PLK1: variants seen among roughly 807,000 people sequenced by gnomAD.
PLK1 encodes the protein polo like kinase 1.
A neutral mutation model predicts 56.7 loss-of-function variants in PLK1; 6 were observed. The observed-to-expected ratio is 0.11, with a 90% CI of 0.06 to 0.21. The LOEUF (loss-of-function observed/expected upper bound fraction) is 0.21. Ranked by LOEUF, PLK1 falls within the 10% of genes least tolerant of loss-of-function variation. The pLI is 1.00. For synonymous variants in PLK1, 298 were observed against 325.0 expected (o/e 0.92, Z 0.89); for missense variants, 546 against 814.4 (o/e 0.67, Z 4.01).
chr16:23,682,542 T>TTTA (rs1471524945), intron 4 of PLK1, among the ~76,000 whole-genome samples: 6 of 141,948 alleles, frequency 4.2e-5, no homozygotes, highest in African/African-American at 1.3e-4. Context: ...TTTTTTTTTT[T>TTTA]ATTTGAGGTG....
chr16:23,686,827 T>A (rs1030451973), intron 5 of PLK1, among the ~76,000 whole-genome samples: 1 of 152,224 alleles, frequency 6.6e-6, no homozygotes, highest in Non-Finnish European at 1.5e-5. Flanking sequence ...TAATATCTTA[T>A]TATTTCATAC....
intron 1 of PLK1, 179 bp from the exon 2 acceptor site, chr16:23,679,905 T>C: frequency 1.7e-6 from 1 of 576,328 alleles, no homozygotes; most frequent in Admixed American, 3.0e-5. Context: ...GATGCCGCTG[T>C]GCTGGAGAAG....
At position 23,683,934 on chromosome 16, in the gene PLK1, C is replaced by T. The variant is rs753048559; in HGVS notation, c.881C>T (p.Pro294Leu). 1.6e-5 allele frequency: 26 copies of T among 1,614,034 alleles called. No homozygotes were observed. The highest frequency in any genetic ancestry group is 2.2e-5 in the Non-Finnish European group (26 of 1,180,004). Residue 294 changes from proline to leucine, a missense_variant, in exon 5 of 10, where the codon CCA (proline) becomes CTA (leucine). This residue lies in a region of PLK1 where 157 missense variants were observed against 184.0 expected (regional missense o/e 0.85). Transcript: ENST00000300093. ...KMLQTDPTAR[P>L]TINELLNDEF... ...CTTCAGACAGATCCCACTGCCCGCC[C>T]AACCATTAACGAGCTGCTTAATGAC...
At chr16:23,684,243 C>T (rs1021595283) in intron 5 of PLK1, among the ~76,000 whole-genome samples, 154 bp downstream of exon 5, 2 of 152,330 alleles carry the variant, frequency 1.3e-5, no homozygotes, top group Admixed American at 6.5e-5. Flanking sequence ...ATCTGCTTCT[C>T]GGCCCTGCCA....
chr16:23,685,940 C>G (rs1022529301), intron 5 of PLK1, among the ~76,000 whole-genome samples: 1 of 152,118 alleles, frequency 6.6e-6, no homozygotes. Context: ...TGTTCCTTCT[C>G]TCCGATTGAT....
In PLK1 at chr16:23,689,111, T is replaced by C; in HGVS notation, c.1271-127T>C. On this transcript the variant is annotated intron_variant, in intron 7 of 9. Coordinates refer to ENST00000300093, the MANE Select transcript of PLK1 (RefSeq NM_005030.6). This position sits in a 1 kb window ranked among gnomAD's most constrained non-coding sequence, Gnocchi z 4.8. ...GTTGCCCAGGCTGGTCTCAAACTCC[T>C]GGGCTCAAACAATCCTCCTCCCTCA... 1.2e-6 allele frequency: 1 copy of C among 815,384 alleles called. No homozygotes were observed. The highest frequency in any genetic ancestry group is 2.5e-5 in the East Asian group (1 of 40,576). The allele number at this position is 815,384 out of a possible 1,614,324, so 50.5% of individuals were successfully genotyped here.
chr16:23,684,144 A>G (rs2140999147), intron 5 of PLK1, 55 bp downstream of exon 5: 1 of 1,399,772 alleles, frequency 7.1e-7, no homozygotes, highest in East Asian at 2.3e-5. Context: ...CCCAGGTTGT[A>G]GGGGTGTGTG....
In PLK1 at chr16:23,681,026, C is replaced by T. The variant is rs11645497; in HGVS notation, c.690C>T (p.Phe230=). 4.3e-6 allele frequency: 7 copies of T among 1,613,202 alleles called. No homozygotes were observed. The highest frequency in any genetic ancestry group is 2.2e-5 in the South Asian group (2 of 90,828). Residue 230 remains phenylalanine, a synonymous_variant, in exon 3 of 10, where the codon TTC becomes TTT. Coordinates refer to ENST00000300093, the MANE Select transcript of PLK1 (RefSeq NM_005030.6). ...PEVLSKKGHS[F]EVDVWSIGCI... ...TGCTGAGCAAGAAAGGGCACAGTTT[C>T]GAGGTGGATGTGTGGTCCATTGGGT...
In PLK1 at chr16:23,689,376, A is replaced by C; in HGVS notation, c.1409A>C (p.Asn470Thr). The C allele has an allele frequency of 6.2e-7, 1 of 1,610,158 alleles. No individual in the cohort carries two copies. Among genetic ancestry groups the C allele is most frequent in the Non-Finnish European group, 8.5e-7 (1 of 1,176,784 alleles). ...ESYLTVSSHP[N>T]SLMKKITLLK... ...TACCTCACCGTGAGTTCCCATCCCAACTCCTTGATGAAGAAGGTGAGTGCC... is the reference window on the plus strand; with the variant it reads ...TACCTCACCGTGAGTTCCCATCCCACCTCCTTGATGAAGAAGGTGAGTGCC... Residue 470 changes from asparagine (N) to threonine (T), a missense_variant, in exon 8 of 10, where the codon AAC becomes ACC. Coordinates refer to ENST00000300093, the MANE Select transcript of PLK1 (RefSeq NM_005030.6). This position sits in a 1 kb window ranked among gnomAD's most constrained non-coding sequence, Gnocchi z 4.8.
intron 7 of PLK1, 87 bp downstream of exon 7, chr16:23,688,832 C>G: frequency 1.1e-6 from 1 of 924,890 alleles, no homozygotes; most frequent in South Asian, 1.3e-5. Context: ...TTTGAGCTCC[C>G]AGGTACTGTT....
Position 23,689,209 on chromosome 16 carries a change from T to G in PLK1, c.1271-29T>G, listed in dbSNP as rs369550774. 9.4e-6 allele frequency: 15 copies of G among 1,589,874 alleles called. No homozygotes were observed. The African/African-American group carries it at 1.6e-4, about 17-fold the overall frequency. On this transcript the variant is annotated intron_variant, in intron 7 of 9. Coordinates refer to ENST00000300093, the MANE Select transcript of PLK1 (RefSeq NM_005030.6). The surrounding 1 kb of genome is among the most constrained non-coding windows in gnomAD (Gnocchi z 4.8). The stretch of plus-strand genomic sequence containing the variant: ...CCACTCCCCACTTTCTATTCCCCCT[T>G]TCTGAGACCTCTCTCCACCGATCCC...
chr16:23,687,699 C>G, intron 6 of PLK1, 75 bp downstream of exon 6: 1 of 1,150,566 alleles, frequency 8.7e-7, no homozygotes, highest in Non-Finnish European at 1.2e-6. Flanking sequence ...GCTTGGCCAA[C>G]AAAGCACTGG....
At chr16:23,684,113 G>C in intron 5 of PLK1, 24 bp downstream of exon 5, 2 of 1,574,270 alleles carry the variant, frequency 1.3e-6, no homozygotes, top group Non-Finnish European at 1.7e-6. Context: ...CTGGGTAAGA[G>C]AGCAGACCCC....
chr16:23,681,988 C>A, intron 3 of PLK1, 76 bp from the exon 4 acceptor site: 1 of 824,112 alleles, frequency 1.2e-6, no homozygotes, highest in Middle Eastern at 2.8e-4. Flanking sequence ...GACCTTTGTT[C>A]TGACCCTGAG....
intron 2 of PLK1, among the ~76,000 whole-genome samples, chr16:23,680,539 T>A (rs941848818): frequency 2.6e-5 from 4 of 152,226 alleles, no homozygotes; most frequent in African/African-American, 9.6e-5. Flanking sequence ...AGCCCTTTGC[T>A]GGGCTGGAAA....
rs767691125 is a variant in PLK1, at chr16:23,690,157, T to A, written c.*94T>A. 2.1e-6 allele frequency: 2 copies of A among 957,734 alleles called. No individual in the cohort carries two copies. Among genetic ancestry groups the A allele is most frequent in the South Asian group, 2.7e-5 (2 of 73,564 alleles). 59.3% of individuals were successfully genotyped at this position (957,734 alleles called of 1,614,324 possible). A position where few individuals can be genotyped will look rare whatever the true frequency, so the allele number is the denominator to read the frequency against. On this transcript the variant is annotated 3_prime_UTR_variant, in exon 10 of 10. Transcript: ENST00000300093. ...CTCCCGCGGTGCCATGTCTGCAGTG[T>A]GCCCCCCAGCCCCGGTGGCTGGGCA... is the stretch of plus-strand genomic sequence containing the variant.
chr16:23,688,578 T>C, intron 6 of PLK1, 90 bp from the exon 7 acceptor site: 1 of 1,064,560 alleles, frequency 9.4e-7, no homozygotes, highest in Non-Finnish European at 1.5e-6. Flanking sequence ...CCCAGCAGGC[T>C]TCCCTGTTCC....
intron 2 of PLK1, 142 bp from the exon 3 acceptor site, chr16:23,680,772 C>T (rs1372478016): frequency 3.9e-6 from 3 of 778,460 alleles, no homozygotes; most frequent in Non-Finnish European, 6.2e-6. Flanking sequence ...GATTCCTGGG[C>T]AAGCCTTGCT....
chr16:23,688,038 G>A (rs1959456647), intron 6 of PLK1, among the ~76,000 whole-genome samples: 1 of 152,068 alleles, frequency 6.6e-6, no homozygotes, highest in African/African-American at 2.4e-5. Flanking sequence ...CATCTCCCTG[G>A]CCCCTCTGCT....
Sources: allele counts gnomAD v4.1 joint callset (sites outside exome capture counted in the v4.1 genomes callset), GRCh38; gene constraint gnomAD v4.1.1; regional missense constraint gnomAD v4.1.1; non-coding constraint Gnocchi (gnomAD v3.1); transcripts MANE v1.5; gene names NCBI Gene and HGNC (gene_info 2026-07-23, HGNC 2026-07-21).